Variants in STPG4 observed in about 807,000 individuals in gnomAD.
The protein encoded by STPG4 is sperm-tail PG-rich repeat containing 4, also known as protein STPG4.
In STPG4, 41 loss-of-function variants were observed where a neutral mutation model predicts 31.5. That is an observed-to-expected ratio of 1.30 (90% confidence interval 1.01 to 1.69). The LOEUF (loss-of-function observed/expected upper bound fraction) is 1.69, where lower values mean the gene tolerates loss of function less well. Ranked by LOEUF, STPG4 falls within the 40% of genes most tolerant of loss-of-function variation. STPG4 has a pLI of 0.00. For missense variants in STPG4, 375 were observed against 293.4 expected, an observed-to-expected ratio of 1.28 and a Z score of -2.03; for synonymous variants, 141 against 103.0, an observed-to-expected ratio of 1.37 and a Z score of -2.24.
intron 3 of STPG4, among the ~76,000 whole-genome samples, chr2:47,134,112 A>G (rs1268800122): frequency 6.6e-6 from 1 of 151,022 alleles, no homozygotes; most frequent in Non-Finnish European, 1.5e-5. Context: ...AATTGCAAGG[A>G]AAGAGATTTC....
intron 3 of STPG4, among the ~76,000 whole-genome samples, chr2:47,150,964 A>T (rs772934396): frequency 1.3e-5 from 2 of 152,158 alleles, no homozygotes; most frequent in African/African-American, 4.8e-5. Context: ...GCATAGCCCA[A>T]TGACAGATAA....
At chr2:47,153,957 C>A (rs886771116) in intron 1 of STPG4, among the ~76,000 whole-genome samples, 2 of 152,096 alleles carry the variant, frequency 1.3e-5, no homozygotes, top group Non-Finnish European at 2.9e-5. Context: ...CCCATTCATC[C>A]ATTATTATTT....
intron 3 of STPG4, among the ~76,000 whole-genome samples, chr2:47,138,049 C>A (rs1367256993): frequency 1.3e-5 from 2 of 151,952 alleles, no homozygotes; most frequent in East Asian, 1.9e-4. Context: ...TTCTGGTTTC[C>A]TAAGGTGCAG....
intron 3 of STPG4, among the ~76,000 whole-genome samples, chr2:47,134,935 T>C (rs1481011064): frequency 6.6e-6 from 1 of 152,236 alleles, no homozygotes. Context: ...AATTTGCATT[T>C]CCCTGATGAC....
intron 5 of STPG4, among the ~76,000 whole-genome samples, chr2:47,116,957 A>G (rs80202109): frequency 0.025 from 3,869 of 152,244 alleles, 172 homozygotes; most frequent in African/African-American, 0.088. Flanking sequence ...CAACTAATGA[A>G]TACCTTATGG....
chr2:47,115,923 G>C (rs1573169788), intron 5 of STPG4, among the ~76,000 whole-genome samples: 1 of 152,174 alleles, frequency 6.6e-6, no homozygotes, highest in Non-Finnish European at 1.5e-5. Flanking sequence ...CAAATTGCTA[G>C]GATGACAGGC....
chr2:47,115,586 G>C (rs1000829084), intron 5 of STPG4, among the ~76,000 whole-genome samples: 2 of 148,528 alleles, frequency 1.3e-5, no homozygotes, highest in African/African-American at 5.0e-5. Flanking sequence ...TATTCCCAGA[G>C]TTCTGTTTTC....
chr2:47,121,824 C>T lies in STPG4; in HGVS notation c.519+8117G>A, dbSNP rs574366426. Among the ~76,000 whole-genome samples the T allele has an allele frequency of 3.2e-4, 48 of 149,492 alleles. No homozygotes were observed. In the South Asian group the frequency reaches 4.9e-3, roughly 15 times the overall value. On this transcript the variant is annotated intron_variant, in intron 5 of 6. Transcript: ENST00000445927. ...GGCTGCACCACTGTAATCTTTGCTT[C>T]TATATTTGAATTGCCCTCTCCTCGT...
Position 47,107,961 on chromosome 2 carries a change from T to C in STPG4, c.520-17587A>G, listed in dbSNP as rs568891456. ...AGCTCAGGGATTGTAAATACACCAA[T>C]CGGCACTCTGTATCTAGCTCAAGGT... On this transcript the variant is annotated intron_variant, in intron 5 of 6. Transcript: ENST00000445927. Among the ~76,000 whole-genome samples, 132 of 148,008 alleles carry C rather than the reference T, an allele frequency of 8.9e-4. 2 individuals are homozygous for C. The highest frequency in any genetic ancestry group is 1.7e-3 in the Non-Finnish European group (115 of 67,452).
At chr2:47,098,769 A>AT (rs1273795301) in intron 5 of STPG4, among the ~76,000 whole-genome samples, 1 of 151,382 alleles carries the variant, frequency 6.6e-6, no homozygotes, top group African/African-American at 2.4e-5. Context: ...AAAAAAAAAA[A>AT]AAGCCCCTCA....
intron 2 of STPG4, among the ~76,000 whole-genome samples, chr2:47,151,784 A>G (rs1223260238): frequency 1.3e-5 from 2 of 151,698 alleles, no homozygotes; most frequent in East Asian, 3.9e-4. Flanking sequence ...TCTGTCACCC[A>G]GGCTGGAGTG....
At chr2:47,094,823 G>A (rs574947059) in intron 5 of STPG4, among the ~76,000 whole-genome samples, 47 of 152,294 alleles carry the variant, frequency 3.1e-4, no homozygotes, top group East Asian at 1.5e-3. Context: ...GTCATACCGC[G>A]AAGAAGCCTG....
intron 5 of STPG4, among the ~76,000 whole-genome samples, chr2:47,100,447 G>A (rs968542448): frequency 1.3e-5 from 2 of 149,116 alleles, no homozygotes; most frequent in African/African-American, 2.5e-5. Context: ...GTCTAGCTCA[G>A]GGATTGTAAA....
At chr2:47,122,661 T>C (rs1459700400) in intron 5 of STPG4, among the ~76,000 whole-genome samples, 1 of 146,784 alleles carries the variant, frequency 6.8e-6, no homozygotes, top group African/African-American at 2.5e-5. Flanking sequence ...TAGGATCTGT[T>C]TCTGAGCTCT....
chr2:47,100,923 G>T (rs948934456), intron 5 of STPG4, among the ~76,000 whole-genome samples: 10 of 151,828 alleles, frequency 6.6e-5, no homozygotes, highest in Non-Finnish European at 8.8e-5. Context: ...CACCACGAGG[G>T]TCCGCGGCTT....
At chr2:47,145,031 C>G (rs552801272) in intron 3 of STPG4, among the ~76,000 whole-genome samples, 3 of 152,254 alleles carry the variant, frequency 2.0e-5, no homozygotes, top group South Asian at 4.1e-4. Context: ...TGCCCAGCCA[C>G]AGAAGAGTTT....
chr2:47,110,591 C>T (rs978249664), intron 5 of STPG4, among the ~76,000 whole-genome samples: 21 of 152,218 alleles, frequency 1.4e-4, no homozygotes, highest in African/African-American at 5.1e-4. Flanking sequence ...AAGACTCCAT[C>T]ACAAACAAAC....
At chr2:47,107,721 T>G (rs1207956884) in intron 5 of STPG4, among the ~76,000 whole-genome samples, 1 of 152,152 alleles carries the variant, frequency 6.6e-6, no homozygotes, top group African/African-American at 2.4e-5. Flanking sequence ...CGGGATCCAC[T>G]GGGTGAAGCC....
intron 3 of STPG4, among the ~76,000 whole-genome samples, chr2:47,150,382 C>T (rs1686911117): frequency 1.3e-5 from 2 of 152,156 alleles, no homozygotes; most frequent in Admixed American, 1.3e-4. Context: ...CATCTTCCTT[C>T]CGCAGAGCCT....
Sources: gnomAD v4.1 joint callset for allele counts (sites outside exome capture counted in the v4.1 genomes callset) on GRCh38, gnomAD v4.1.1 for gene constraint, MANE v1.5 for transcripts, NCBI Gene and HGNC (gene_info 2026-07-23, HGNC 2026-07-21) for gene names.